Variants in SPAG16 observed in about 807,000 individuals in gnomAD.
SPAG16 encodes sperm-associated antigen 16 protein.
In SPAG16, 86 loss-of-function variants were observed where a neutral mutation model predicts 80.4. The observed-to-expected ratio is 1.07, with a 90% CI of 0.90 to 1.28. The LOEUF (loss-of-function observed/expected upper bound fraction) is 1.28. Among genes scored for constraint, SPAG16 ranks in the 50% most tolerant of loss-of-function variants. The pLI is 0.00. For synonymous variants in SPAG16, 294 were observed against 265.9 expected (o/e 1.11, Z -1.03); for missense variants, 870 against 765.3 (o/e 1.14, Z -1.61).
chr2:214,290,046 T>C (rs969245976), intron 15 of SPAG16, among the ~76,000 whole-genome samples: 1 of 152,156 alleles, frequency 6.6e-6, no homozygotes, highest in African/African-American at 2.4e-5. Context: ...CATCTGGTCC[T>C]GGGATTTTCT....
intron 12 of SPAG16, among the ~76,000 whole-genome samples, chr2:213,947,454 C>T (rs1431653101): frequency 2.6e-5 from 4 of 152,060 alleles, no homozygotes; most frequent in Non-Finnish European, 5.9e-5. Flanking sequence ...TGTTAGACAT[C>T]TTATTATGTA....
intron 11 of SPAG16, among the ~76,000 whole-genome samples, chr2:213,913,568 T>A (rs953744112): frequency 1.5e-4 from 17 of 115,738 alleles, no homozygotes; most frequent in African/African-American, 5.1e-4. Context: ...TCTCTGTGTG[T>A]GTATATATAT....
chr2:213,530,153 A>C (rs1295486916), intron 10 of SPAG16, among the ~76,000 whole-genome samples: 1 of 152,252 alleles, frequency 6.6e-6, no homozygotes, highest in Admixed American at 6.5e-5. Context: ...AATAAGCTAG[A>C]GTATACTCTA....
At chr2:214,110,921 T>C (rs537240777) in intron 14 of SPAG16, among the ~76,000 whole-genome samples, 2 of 152,358 alleles carry the variant, frequency 1.3e-5, no homozygotes, top group Admixed American at 1.3e-4. Flanking sequence ...GTTGGCTGCA[T>C]AAGTATCTTC....
intron 15 of SPAG16, chr2:214,280,924 T>C: frequency 2.3e-6 from 1 of 435,024 alleles, no homozygotes; most frequent in East Asian, 5.6e-5. Flanking sequence ...TTCTGGCTGA[T>C]AATGTGCTTC....
At chr2:213,552,181 T>C (rs902521106) in intron 10 of SPAG16, among the ~76,000 whole-genome samples, 1 of 152,230 alleles carries the variant, frequency 6.6e-6, no homozygotes, top group African/African-American at 2.4e-5. Context: ...GCCATTCTTA[T>C]CTGCCTTTCT....
intron 9 of SPAG16, among the ~76,000 whole-genome samples, chr2:213,408,415 T>A (rs1161376388): frequency 6.6e-6 from 1 of 152,122 alleles, no homozygotes; most frequent in East Asian, 1.9e-4. Flanking sequence ...AACCTCATTC[T>A]GAGCACAACT....
intron 9 of SPAG16, among the ~76,000 whole-genome samples, chr2:213,399,002 AC>A (rs2068185560): frequency 6.6e-6 from 1 of 151,878 alleles, no homozygotes; most frequent in African/African-American, 2.4e-5. Flanking sequence ...TTTCTGCTAA[AC>A]CCCCTGTTTC....
rs73988584 is a variant in SPAG16, at chr2:213,669,695, A to C, written c.1070+179605A>C. 7.6e-3 allele frequency among the ~76,000 whole-genome samples: 1,152 copies of C among 152,332 alleles called. 24 individuals are homozygous for C. Among genetic ancestry groups the C allele is most frequent in the African/African-American group, 0.027 (1,108 of 41,592 alleles). ...TTGGGAGTAAAAGCGCTTGGATTTA[A>C]TGAGAAGTGTTCTGTTGGAATGAAA... On this transcript the variant is annotated intron_variant, in intron 10 of 15. Transcript: ENST00000331683.
intron 10 of SPAG16, among the ~76,000 whole-genome samples, chr2:213,855,761 CACTT>C (rs1029468343): frequency 3.9e-5 from 6 of 152,138 alleles, no homozygotes; most frequent in African/African-American, 1.4e-4. Flanking sequence ...CATAAGAACT[CACTT>C]ACTGTCATCA....
chr2:213,986,013 A>G (rs1267162294), intron 12 of SPAG16, among the ~76,000 whole-genome samples: 1 of 152,052 alleles, frequency 6.6e-6, no homozygotes, highest in Non-Finnish European at 1.5e-5. Context: ...TTGCACTGTG[A>G]TGAATATGCA....
At chr2:213,288,739 A>G (rs1188369224) in intron 1 of SPAG16, among the ~76,000 whole-genome samples, 1 of 151,970 alleles carries the variant, frequency 6.6e-6, no homozygotes, top group Non-Finnish European at 1.5e-5. Context: ...TAAAACTAAC[A>G]TTCTCTTAGA....
intron 15 of SPAG16, among the ~76,000 whole-genome samples, chr2:214,396,252 TGTTG>T (rs1033361284): frequency 2.0e-5 from 3 of 152,274 alleles, no homozygotes; most frequent in East Asian, 1.9e-4. Context: ...CTTGGCTTTT[TGTTG>T]TTTATTTTAA....
chr2:214,037,571 G>A (rs1553700757), intron 13 of SPAG16, among the ~76,000 whole-genome samples: 2 of 151,992 alleles, frequency 1.3e-5, no homozygotes, highest in Non-Finnish European at 2.9e-5. Flanking sequence ...TCTATATCCT[G>A]TTCTGTGTGC....
intron 15 of SPAG16, among the ~76,000 whole-genome samples, chr2:214,315,298 T>C (rs1004421547): frequency 6.6e-6 from 1 of 152,178 alleles, no homozygotes; most frequent in African/African-American, 2.4e-5. Flanking sequence ...ATACTGTTAT[T>C]TCTAAATGTA....
chr2:213,823,773 G>A (rs1368758014), intron 10 of SPAG16, among the ~76,000 whole-genome samples: 1 of 151,566 alleles, frequency 6.6e-6, no homozygotes, highest in Admixed American at 6.6e-5. Context: ...GTTTTATTTT[G>A]TGTAAACATG....
chr2:213,915,906 A>G (rs943143772), intron 11 of SPAG16, among the ~76,000 whole-genome samples: 1 of 152,170 alleles, frequency 6.6e-6, no homozygotes, highest in Non-Finnish European at 1.5e-5. Context: ...TGTTGGCTGC[A>G]TAAATATCTT....
intron 10 of SPAG16, among the ~76,000 whole-genome samples, chr2:213,531,463 AG>A (rs1450488552): frequency 6.6e-6 from 1 of 151,788 alleles, no homozygotes; most frequent in Non-Finnish European, 1.5e-5. Flanking sequence ...TAGAGGAGAG[AG>A]AATGGATGGT....
At chr2:214,089,944 C>G (rs1291969267) in intron 13 of SPAG16, among the ~76,000 whole-genome samples, 1 of 152,050 alleles carries the variant, frequency 6.6e-6, no homozygotes, top group Non-Finnish European at 1.5e-5. Context: ...TAATGAGTGT[C>G]TGCTCCCTGG....
Sources: allele counts gnomAD v4.1 joint callset (sites outside exome capture counted in the v4.1 genomes callset), GRCh38; gene constraint gnomAD v4.1.1; transcripts MANE v1.5; gene names NCBI Gene and HGNC (gene_info 2026-07-23, HGNC 2026-07-21).